Variants in SOX5 observed in about 807,000 individuals in gnomAD.
SOX5 encodes the protein transcription factor SOX-5.
In SOX5, 9 loss-of-function variants were observed where a neutral mutation model predicts 92.0. The ratio of observed to expected loss-of-function variants is 0.10; its 90% CI spans 0.06 to 0.17. The LOEUF (loss-of-function observed/expected upper bound fraction) is 0.17, where lower values mean the gene tolerates loss of function less well. Among genes scored for constraint, SOX5 ranks in the 10% least tolerant of loss-of-function variants. The pLI, the probability that SOX5 is intolerant of heterozygous loss-of-function variation, is 1.00. For synonymous variants in SOX5, 344 were observed against 336.3 expected (o/e 1.02, Z -0.25); for missense variants, 642 against 944.5 (o/e 0.68, Z 4.20).
intron 9 of SOX5, among the ~76,000 whole-genome samples, chr12:23,595,635 A>G (rs1952287567): frequency 6.6e-6 from 1 of 151,300 alleles, no homozygotes; most frequent in Non-Finnish European, 1.5e-5. Context: ...AAAAAAAAAA[A>G]AAAAAAAAAA....
intron 8 of SOX5, among the ~76,000 whole-genome samples, chr12:23,640,440 C>T (rs941605838): frequency 2.6e-5 from 4 of 152,286 alleles, no homozygotes; most frequent in African/African-American, 7.2e-5. Context: ...ATTTGAAATG[C>T]ATTTTTGTTA....
At chr12:24,390,796 G>A (rs901588909) in intron 1 of SOX5, among the ~76,000 whole-genome samples, 3 of 152,056 alleles carry the variant, frequency 2.0e-5, no homozygotes, top group East Asian at 1.9e-4. Context: ...GTGTACATAT[G>A]TGTGTGTATA....
chr12:24,104,336 T>G (rs934947427), intron 4 of SOX5, among the ~76,000 whole-genome samples: 1 of 152,226 alleles, frequency 6.6e-6, no homozygotes, highest in African/African-American at 2.4e-5. Context: ...CTACAGGTTT[T>G]ATTCATCTGA....
chr12:24,450,680 C>T (rs1389191229), intron 1 of SOX5, among the ~76,000 whole-genome samples: 7 of 151,812 alleles, frequency 4.6e-5, no homozygotes, highest in South Asian at 4.2e-4. Flanking sequence ...TTAGCAGAGA[C>T]GGGTTTCACC....
At chr12:24,058,681 C>T (rs1939066822) in intron 4 of SOX5, among the ~76,000 whole-genome samples, 1 of 152,042 alleles carries the variant, frequency 6.6e-6, no homozygotes, top group Non-Finnish European at 1.5e-5. Context: ...GCTTTTTAGC[C>T]TTTAGGATAC....
chr12:23,719,886 A>AT (rs1200672742), intron 6 of SOX5, among the ~76,000 whole-genome samples: 25 of 151,250 alleles, frequency 1.7e-4, no homozygotes. Context: ...TTCAAGAGTG[A>AT]TTTTGTATCA....
intron 8 of SOX5, among the ~76,000 whole-genome samples, chr12:23,607,899 T>C (rs1479926051): frequency 6.6e-6 from 1 of 152,026 alleles, no homozygotes; most frequent in African/African-American, 2.4e-5. Flanking sequence ...GATGAATGTA[T>C]TTTTATGATA....
intron 7 of SOX5, among the ~76,000 whole-genome samples, chr12:23,653,318 G>T (rs910253702): frequency 6.6e-6 from 1 of 151,066 alleles, no homozygotes; most frequent in South Asian, 2.1e-4. Context: ...GGAATAGTCT[G>T]TCTGTATCCC....
chr12:23,603,438 T>C (rs947175626), intron 9 of SOX5, among the ~76,000 whole-genome samples: 2 of 112,336 alleles, frequency 1.8e-5, no homozygotes, highest in African/African-American at 7.4e-5. Flanking sequence ...AATAAATATA[T>C]ATATAAAATA....
intron 3 of SOX5, among the ~76,000 whole-genome samples, chr12:24,223,513 T>A (rs1961037930): frequency 6.6e-6 from 1 of 152,104 alleles, no homozygotes; most frequent in Non-Finnish European, 1.5e-5. Flanking sequence ...CAGTACTTTG[T>A]GAGTCCAAGG....
chr12:24,252,822 C>T (rs967459849), intron 3 of SOX5, among the ~76,000 whole-genome samples: 3 of 152,186 alleles, frequency 2.0e-5, no homozygotes, highest in Non-Finnish European at 4.4e-5. Flanking sequence ...CCTTTTACAG[C>T]TCCAATATCT....
intron 6 of SOX5, among the ~76,000 whole-genome samples, chr12:23,731,976 G>T (rs2093410734): frequency 6.6e-6 from 1 of 151,846 alleles, no homozygotes; most frequent in Admixed American, 6.6e-5. Flanking sequence ...ATTTAAAAAA[G>T]AAAAAAGTAG....
chr12:23,840,124 C>G (rs1168082401), intron 3 of SOX5, among the ~76,000 whole-genome samples: 2 of 151,926 alleles, frequency 1.3e-5, no homozygotes, highest in African/African-American at 4.8e-5. Flanking sequence ...AATAGTGAGT[C>G]CTGAAAGGCC....
At chr12:23,909,594 G>A (rs142625102) in intron 1 of SOX5, among the ~76,000 whole-genome samples, 8 of 152,254 alleles carry the variant, frequency 5.3e-5, no homozygotes, top group Non-Finnish European at 8.8e-5. Flanking sequence ...ACCATTTATA[G>A]GTACTCAGTC....
intron 1 of SOX5, among the ~76,000 whole-genome samples, chr12:24,477,819 T>C (rs1945561734): frequency 6.6e-6 from 1 of 152,032 alleles, no homozygotes; most frequent in Non-Finnish European, 1.5e-5. Context: ...TTACCTATAG[T>C]TAGATAGAAG....
chr12:24,507,592 G>T (rs207472751), intron 1 of SOX5, among the ~76,000 whole-genome samples: 4 of 152,080 alleles, frequency 2.6e-5, no homozygotes, highest in Admixed American at 2.0e-4. Flanking sequence ...CTGTAAAAAA[G>T]ACTTTTTTGC....
chr12:23,853,975 G>A (rs1193180038), intron 2 of SOX5, among the ~76,000 whole-genome samples: 2 of 152,082 alleles, frequency 1.3e-5, no homozygotes, highest in African/African-American at 4.8e-5. Context: ...ACTAGCCACT[G>A]ATTAGATATA....
At chr12:24,334,975 T>A (rs1313856390) in intron 2 of SOX5, among the ~76,000 whole-genome samples, 1 of 152,148 alleles carries the variant, frequency 6.6e-6, no homozygotes, top group Non-Finnish European at 1.5e-5. Flanking sequence ...TTCTCTGATA[T>A]AATGTAATTT....
chr12:24,522,430 A>C (rs975697579), intron 1 of SOX5, among the ~76,000 whole-genome samples: 2 of 152,134 alleles, frequency 1.3e-5, no homozygotes, highest in Non-Finnish European at 2.9e-5. Flanking sequence ...TAAGGCCAGC[A>C]TTACCCTGAC....
Sources: gnomAD v4.1 joint callset for allele counts (sites outside exome capture counted in the v4.1 genomes callset) on GRCh38, gnomAD v4.1.1 for gene constraint, MANE v1.5 for transcripts, NCBI Gene and HGNC (gene_info 2026-07-23, HGNC 2026-07-21) for gene names.